The following FSTL4 variants were observed in gnomAD, a reference collection of about 807,000 sequenced individuals.
FSTL4 encodes the protein follistatin like 4.
FSTL4 carries 28 observed loss-of-function variants against 78.2 expected under a neutral mutation model. The ratio of observed to expected loss-of-function variants is 0.36; its 90% CI spans 0.27 to 0.49. The LOEUF (loss-of-function observed/expected upper bound fraction) is 0.49. Among genes scored for constraint, FSTL4 ranks in the 20% least tolerant of loss-of-function variants. The pLI is 0.98. For synonymous variants in FSTL4, 422 were observed against 440.5 expected, an observed-to-expected ratio of 0.96 and a Z score of 0.53; for missense variants, 922 against 1,084.9, an observed-to-expected ratio of 0.85 and a Z score of 2.11.
the FSTL4 span, among the ~76,000 whole-genome samples, chr5:133,805,847 A>G: frequency 6.6e-6 from 1 of 152,186 alleles, no homozygotes; most frequent in Admixed American, 6.5e-5. Context: ...CAGACTTCTC[A>G]GCTCTGGGTC....
intron 3 of FSTL4, among the ~76,000 whole-genome samples, chr5:133,536,143 T>G (rs1469195415): frequency 6.6e-6 from 1 of 152,178 alleles, no homozygotes; most frequent in Non-Finnish European, 1.5e-5. Flanking sequence ...AGCATCAGAT[T>G]TTACCCCCAT....
At chr5:133,517,447 A>T (rs796869565) in intron 3 of FSTL4, among the ~76,000 whole-genome samples, 3,551 of 16,178 alleles carry the variant, frequency 0.22, 788 homozygotes, top group East Asian at 0.26. Context: ...AAAAAAAAAA[A>T]ATATATATAT....
At chr5:133,669,853 G>A in the FSTL4 span, among the ~76,000 whole-genome samples, 1 of 152,138 alleles carries the variant, frequency 6.6e-6, no homozygotes, top group Non-Finnish European at 1.5e-5. Flanking sequence ...CAACCAGAGG[G>A]ACTTCTGAAG....
intron 3 of FSTL4, among the ~76,000 whole-genome samples, chr5:133,493,363 T>G (rs926812172): frequency 1.3e-5 from 2 of 152,236 alleles, no homozygotes; most frequent in African/African-American, 4.8e-5. Context: ...CTAGTGGTTT[T>G]ACTGATCTGG....
At chr5:133,237,478 GC>G (rs1464873130) in intron 7 of FSTL4, among the ~76,000 whole-genome samples, 4 of 152,172 alleles carry the variant, frequency 2.6e-5, no homozygotes, top group Admixed American at 2.0e-4. Flanking sequence ...GTGTGTGTCA[GC>G]CCTTGGAGGA....
At chr5:133,572,678 A>G (rs571842101) in intron 2 of FSTL4, among the ~76,000 whole-genome samples, 12 of 152,216 alleles carry the variant, frequency 7.9e-5, no homozygotes, top group Non-Finnish European at 1.6e-4. Flanking sequence ...AATGCACTGT[A>G]AGATAAAAAT....
At chr5:133,496,314 T>C (rs1449712341) in intron 3 of FSTL4, among the ~76,000 whole-genome samples, 2 of 152,228 alleles carry the variant, frequency 1.3e-5, no homozygotes, top group Non-Finnish European at 2.9e-5. Flanking sequence ...CTTTCCAAGA[T>C]GTTAACTTGG....
At chr5:133,369,732 T>C (rs200033723) in intron 4 of FSTL4, among the ~76,000 whole-genome samples, 7 of 152,326 alleles carry the variant, frequency 4.6e-5, no homozygotes, top group South Asian at 4.1e-4. Flanking sequence ...GCAGGCTCAT[T>C]TGGCCTCAAA....
chr5:133,203,365 A>G (rs1750389794), intron 14 of FSTL4, among the ~76,000 whole-genome samples: 1 of 152,152 alleles, frequency 6.6e-6, no homozygotes, highest in South Asian at 2.1e-4. Context: ...GGATGCTTCT[A>G]CTTTTTAGGA....
At chr5:133,223,580 C>CT (rs915655790) in intron 11 of FSTL4, among the ~76,000 whole-genome samples, 2 of 152,144 alleles carry the variant, frequency 1.3e-5, no homozygotes, top group Non-Finnish European at 2.9e-5. Flanking sequence ...GACTCAGGCT[C>CT]TGCCACCAGC....
chr5:133,725,102 C>A, the FSTL4 span, among the ~76,000 whole-genome samples: 1 of 152,180 alleles, frequency 6.6e-6, no homozygotes, highest in East Asian at 1.9e-4. Flanking sequence ...GCCATGCCAT[C>A]TTGATTACTG....
At chr5:133,540,960 G>A (rs1478955559) in intron 3 of FSTL4, among the ~76,000 whole-genome samples, 1 of 152,038 alleles carries the variant, frequency 6.6e-6, no homozygotes, top group East Asian at 1.9e-4. Flanking sequence ...CCCACTGAGA[G>A]CCTCCTCAGG....
At chr5:133,457,944 G>A (rs1757524484) in intron 3 of FSTL4, 1 of 152,190 alleles carries the variant, frequency 6.6e-6, no homozygotes, top group Non-Finnish European at 1.5e-5. Context: ...AGTCCGGGAG[G>A]AAGGGGTTAA....
chr5:133,399,002 G>A (rs1441257527), intron 4 of FSTL4, among the ~76,000 whole-genome samples: 2 of 152,180 alleles, frequency 1.3e-5, no homozygotes, highest in Admixed American at 1.3e-4. Flanking sequence ...CCCGCTCCAC[G>A]CCAGCTTGTC....
intron 7 of FSTL4, among the ~76,000 whole-genome samples, chr5:133,245,113 C>T (rs1403753145): frequency 7.1e-6 from 1 of 140,854 alleles, no homozygotes; most frequent in Non-Finnish European, 1.5e-5. Context: ...GAGAGAGACC[C>T]TACTGCCTAA....
chr5:133,561,115 A>G lies in FSTL4; in HGVS notation c.160+6071T>C, dbSNP rs1276879594. 4.8e-5 allele frequency among the ~76,000 whole-genome samples: 7 copies of G among 147,266 alleles called. No individual in the cohort carries two copies. In the South Asian group the frequency reaches 8.6e-4, roughly 18 times the overall value. ...AAATAATAATAATAATAATAATAATAATAATAATAATAATAATAATAATAA... is the reference window on the plus strand; with the variant it reads ...AAATAATAATAATAATAATAATAATGATAATAATAATAATAATAATAATAA... On this transcript the variant is annotated intron_variant, in intron 3 of 15. Coordinates refer to ENST00000265342, the MANE Select transcript of FSTL4 (RefSeq NM_015082.2).
At chr5:133,296,301 G>A (rs1404810877) in intron 6 of FSTL4, among the ~76,000 whole-genome samples, 1 of 152,176 alleles carries the variant, frequency 6.6e-6, no homozygotes, top group East Asian at 1.9e-4. Flanking sequence ...CTGAATTATT[G>A]CAACAGCCTC....
the FSTL4 span, among the ~76,000 whole-genome samples, chr5:133,621,814 T>G: frequency 2.0e-5 from 3 of 151,958 alleles, no homozygotes; most frequent in African/African-American, 4.8e-5. Context: ...CACTTAGTGA[T>G]TTTTTTATTT....
chr5:133,482,424 C>T (rs1249506444), intron 3 of FSTL4, among the ~76,000 whole-genome samples: 1 of 152,228 alleles, frequency 6.6e-6, no homozygotes, highest in Non-Finnish European at 1.5e-5. Context: ...AGGGTAGGGG[C>T]TGCCCAGAGG....
Sources: gnomAD v4.1 joint callset for allele counts (sites outside exome capture counted in the v4.1 genomes callset) on GRCh38, gnomAD v4.1.1 for gene constraint, MANE v1.5 for transcripts, NCBI Gene and HGNC (gene_info 2026-07-23, HGNC 2026-07-21) for gene names.